The following ALDH3B1 variants were observed in gnomAD, a reference collection of about 807,000 sequenced individuals.
The protein encoded by ALDH3B1 is aldehyde dehydrogenase family 3 member B1.
A neutral mutation model predicts 46.2 loss-of-function variants in ALDH3B1; 37 were observed. That is an observed-to-expected ratio of 0.80 (90% CI 0.62 to 1.05). The LOEUF is 1.05. Ranked by LOEUF, ALDH3B1 falls within the 50% of genes least tolerant of loss-of-function variation. ALDH3B1 has a pLI of 0.00. For missense variants in ALDH3B1, 603 were observed against 665.5 expected, an observed-to-expected ratio of 0.91 and a Z score of 1.03; for synonymous variants, 283 against 281.0, an observed-to-expected ratio of 1.01 and a Z score of -0.07.
intron 8 of ALDH3B1, chr11:68,024,705 CT>C (rs1346306345): frequency 1.3e-5 from 2 of 152,214 alleles, no homozygotes. Context: ...ATTTCTTCAT[CT>C]ACGAAGCATA....
At chr11:68,021,337 G>T (rs950381989) in intron 6 of ALDH3B1, 148 bp from the exon 7 acceptor site, 3 of 1,198,342 alleles carry the variant, frequency 2.5e-6, no homozygotes, top group African/African-American at 1.5e-5. Flanking sequence ...CTGGGCTGCA[G>T]GGTGGCAGTG....
chr11:68,024,772 G>A (rs1303800253), intron 8 of ALDH3B1: 1 of 152,138 alleles, frequency 6.6e-6, no homozygotes, highest in Admixed American at 6.5e-5. Flanking sequence ...CTATTTCCTG[G>A]AATTCTGTAA....
chr11:68,009,914 C>T (rs759067499), upstream of ALDH3B1, among the ~76,000 whole-genome samples: 2 of 151,854 alleles, frequency 1.3e-5, no homozygotes, highest in Admixed American at 6.6e-5. Context: ...AGTGGGGGGT[C>T]GAGACTTCCT....
chr11:68,028,637 A>G lies in ALDH3B1; in HGVS notation c.*698A>G, dbSNP rs1854647217. On this transcript the variant is annotated 3_prime_UTR_variant, in exon 10 of 10. Coordinates refer to ENST00000342456, the MANE Select transcript of ALDH3B1 (RefSeq NM_000694.4). ...GGTTGCCGTGAGCTGAGATTGCGTC[A>G]CTGAACTCCGGCCTGGGTGACAGAA... 6.6e-6 allele frequency: 1 copy of G among 150,766 alleles called. No homozygotes were observed. The highest frequency in any genetic ancestry group is 6.6e-5 in the Admixed American group (1 of 15,104). The allele number at this position is 150,766 out of a possible 1,614,324, so 9.3% of individuals were successfully genotyped here. A position where few individuals can be genotyped will look rare whatever the true frequency, so the allele number is the denominator to read the frequency against.
chr11:68,015,895 G>A (rs1043243651), intron 2 of ALDH3B1: 11 of 330,762 alleles, frequency 3.3e-5, no homozygotes, highest in African/African-American at 2.0e-4. Context: ...GCGAAACCCC[G>A]TCTCTACTAA....
chr11:68,013,971 G>C (rs994031478), intron 1 of ALDH3B1, among the ~76,000 whole-genome samples: 2 of 152,350 alleles, frequency 1.3e-5, no homozygotes, highest in African/African-American at 4.8e-5. Flanking sequence ...GTAGCACACT[G>C]GTCCAGCAGG....
chr11:68,018,528 C>T lies in ALDH3B1; in HGVS notation c.164C>T (p.Ser55Leu). 6.4e-7 allele frequency: 1 copy of T among 1,566,218 alleles called. No homozygotes were observed. Among genetic ancestry groups the T allele is most frequent in the Non-Finnish European group, 8.7e-7 (1 of 1,155,126 alleles). The part of the protein sequence containing the change: ...HDALAQDLHK[S>L]AFESEVSEVA... ...CCTGACCCCACCCACTTCCTGCAGT[C>T]AGCCTTCGAGTCGGAGGTGTCTGAG... The change falls in exon 3 of 10, where the codon TCA becomes TTA. Residue 55 changes from serine (S) to leucine (L), a missense_variant and splice_region_variant. By Grantham distance (145) the Ser-to-Leu change is moderately radical. Coordinates refer to ENST00000342456, the MANE Select transcript of ALDH3B1 (RefSeq NM_000694.4).
At chr11:68,019,644 C>G in intron 5 of ALDH3B1, 71 bp from the exon 6 acceptor site, 1 of 1,542,650 alleles carries the variant, frequency 6.5e-7, no homozygotes, top group Non-Finnish European at 8.9e-7. Context: ...AGGGTCCAGG[C>G]AGGGCGGGCT....
chr11:68,021,193 G>A (rs886566971), intron 6 of ALDH3B1, among the ~76,000 whole-genome samples: 5 of 152,160 alleles, frequency 3.3e-5, no homozygotes, highest in African/African-American at 9.7e-5. Flanking sequence ...GTCAGCCAGG[G>A]TCACAAGCAG....
At chr11:68,027,647 G>A in intron 9 of ALDH3B1, 102 bp from the exon 10 acceptor site, 1 of 1,246,792 alleles carries the variant, frequency 8.0e-7, no homozygotes, top group South Asian at 1.4e-5. Context: ...GACAGATGGG[G>A]AAACTGAGGC....
intron 2 of ALDH3B1, chr11:68,015,723 G>A (rs1463852517): frequency 1.5e-6 from 1 of 648,230 alleles, no homozygotes; most frequent in South Asian, 1.5e-5. Flanking sequence ...CAGTTCCCAT[G>A]CCTACGAAGA....
chr11:68,026,432 C>T (rs918320130), intron 9 of ALDH3B1, among the ~76,000 whole-genome samples: 1 of 152,190 alleles, frequency 6.6e-6, no homozygotes. Context: ...GCTCTTCTCC[C>T]CAACAGCATG....
At chr11:68,023,559 CCTCCCAAAGTGCTGGGATT>C (rs920299902) in intron 8 of ALDH3B1, among the ~76,000 whole-genome samples, 6 of 151,662 alleles carry the variant, frequency 4.0e-5, no homozygotes, top group Non-Finnish European at 8.8e-5. Flanking sequence ...CCTGCCTCGG[CCTCCCAAAGTGCTGGGATT>C]ACAGGGATGA....
chr11:68,009,035 G>A (rs1857180160), upstream of ALDH3B1, among the ~76,000 whole-genome samples: 1 of 152,172 alleles, frequency 6.6e-6, no homozygotes, highest in African/African-American at 2.4e-5. Flanking sequence ...AAGGCGACAC[G>A]TGGCATCATG....
chr11:68,019,886 G>C (rs1254995652), intron 6 of ALDH3B1, 90 bp downstream of exon 6: 15 of 1,357,956 alleles, frequency 1.1e-5, no homozygotes, highest in Non-Finnish European at 1.0e-6. Flanking sequence ...TCCACAGGGA[G>C]ACTGAATTCT....
intron 1 of ALDH3B1, among the ~76,000 whole-genome samples, chr11:68,012,607 G>A (rs1857256633): frequency 6.6e-6 from 1 of 152,216 alleles, no homozygotes; most frequent in East Asian, 1.9e-4. Context: ...AGCAGTGTGG[G>A]GAGTGGCAGC....
At position 68,026,051 on chromosome 11, in the gene ALDH3B1, T is replaced by C; in HGVS notation, c.1159T>C (p.Cys387Arg). 1.9e-6 allele frequency: 3 copies of C among 1,609,648 alleles called. No homozygotes were observed. Among genetic ancestry groups the C allele is most frequent in the Non-Finnish European group, 2.5e-6 (3 of 1,178,008 alleles). Residue 387 changes from cysteine to arginine, a missense_variant, in exon 9 of 10, where the codon TGT becomes CGT. Cys to Arg is a radical substitution (Grantham distance 180). Transcript: ENST00000342456. ...VLTQTSSGGF[C>R]GNDGFMHMTL... ...GACCCAGACCAGCAGCGGGGGCTTC[T>C]GTGGGAACGACGGCTTCATGCACAT...
chr11:68,027,067 C>T (rs561547279), intron 9 of ALDH3B1, among the ~76,000 whole-genome samples: 3 of 152,160 alleles, frequency 2.0e-5, no homozygotes, highest in African/African-American at 7.2e-5. Context: ...TCTTGGTGGC[C>T]GTGGCCCCAC....
At chr11:68,019,113 G>A (rs557049230) in intron 4 of ALDH3B1, 57 bp from the exon 5 acceptor site, 270 of 1,554,314 alleles carry the variant, frequency 1.7e-4, no homozygotes, top group Non-Finnish European at 2.2e-4. Context: ...CTGCAGGTGT[G>A]TGGAGACCAG....
Sources: allele counts gnomAD v4.1 joint callset (sites outside exome capture counted in the v4.1 genomes callset), GRCh38; gene constraint gnomAD v4.1.1; transcripts MANE v1.5; gene names NCBI Gene and HGNC (gene_info 2026-07-23, HGNC 2026-07-21).